NXPH1: variants seen among roughly 807,000 people sequenced by gnomAD.
NXPH1 encodes the protein neurexophilin 1.
In NXPH1, 5 loss-of-function variants were observed where a neutral mutation model predicts 23.7. The ratio of observed to expected loss-of-function variants is 0.21; its 90% confidence interval spans 0.11 to 0.44. The LOEUF (loss-of-function observed/expected upper bound fraction) is 0.44. Ranked by LOEUF, NXPH1 falls within the 20% of genes least tolerant of loss-of-function variation. The pLI, the probability that NXPH1 is intolerant of heterozygous loss-of-function variation, is 0.99. For synonymous variants in NXPH1, 144 were observed against 122.2 expected (o/e 1.18, Z -1.18); for missense variants, 324 against 321.6 (o/e 1.01, Z -0.06).
intron 2 of NXPH1, among the ~76,000 whole-genome samples, chr7:8,544,902 T>A (rs370065839): frequency 2.0e-5 from 3 of 151,768 alleles, no homozygotes; most frequent in African/African-American, 7.2e-5. Flanking sequence ...TCTTCTTTTA[T>A]TTACTCTTTT....
intron 2 of NXPH1, among the ~76,000 whole-genome samples, chr7:8,470,165 C>T (rs1412208908): frequency 6.6e-6 from 1 of 152,092 alleles, no homozygotes; most frequent in Non-Finnish European, 1.5e-5. Context: ...GGCCATGGCC[C>T]AACATGTCAG....
chr7:8,450,533 A>G (rs932978436), intron 2 of NXPH1, among the ~76,000 whole-genome samples: 11 of 152,216 alleles, frequency 7.2e-5, no homozygotes, highest in Admixed American at 3.3e-4. Context: ...CTAGGAATTT[A>G]TCTATTTCTG....
intron 2 of NXPH1, among the ~76,000 whole-genome samples, chr7:8,447,504 C>A (rs887143800): frequency 3.3e-5 from 5 of 152,198 alleles, no homozygotes; most frequent in African/African-American, 1.2e-4. Context: ...CTGGTGTTAG[C>A]TTTTCAACCT....
At chr7:8,650,878 A>G (rs1820479918) in intron 2 of NXPH1, among the ~76,000 whole-genome samples, 1 of 152,234 alleles carries the variant, frequency 6.6e-6, no homozygotes, top group South Asian at 2.1e-4. Context: ...AAAGTAAATG[A>G]ACAAAACTAA....
intron 2 of NXPH1, among the ~76,000 whole-genome samples, chr7:8,560,429 A>T (rs931424487): frequency 1.8e-4 from 27 of 151,776 alleles, no homozygotes; most frequent in African/African-American, 5.6e-4. Flanking sequence ...ACAGACTGCA[A>T]GGGAGTATAC....
chr7:8,625,397 C>G (rs532087414), intron 2 of NXPH1, among the ~76,000 whole-genome samples: 1 of 152,238 alleles, frequency 6.6e-6, no homozygotes, highest in East Asian at 1.9e-4. Context: ...CCATTATAAA[C>G]TTTTCTACAT....
At chr7:8,642,574 G>A (rs1371221967) in intron 2 of NXPH1, among the ~76,000 whole-genome samples, 1 of 152,002 alleles carries the variant, frequency 6.6e-6, no homozygotes, top group Non-Finnish European at 1.5e-5. Flanking sequence ...TCTTTTTAAT[G>A]TTGCCTTTTT....
At chr7:8,472,977 T>G (rs1816892987) in intron 2 of NXPH1, among the ~76,000 whole-genome samples, 1 of 152,134 alleles carries the variant, frequency 6.6e-6, no homozygotes. Context: ...CACTGAAACA[T>G]CTCCTTGTGG....
chr7:8,609,451 A>G (rs879328381), intron 2 of NXPH1, among the ~76,000 whole-genome samples: 12 of 152,182 alleles, frequency 7.9e-5, no homozygotes, highest in Non-Finnish European at 1.3e-4. Context: ...TGCCTCAAAT[A>G]TCAAGAAGCT....
At position 8,449,898 on chromosome 7, in the gene NXPH1, G is replaced by T. The variant is rs116400553; in HGVS notation, c.54+14131G>T. The stretch of plus-strand genomic sequence containing the variant: ...TCTTTAGGGACTTCCCATCAAATGG[G>T]GATACAAAGTTAAGAAATGCAAGCT... On this transcript the variant is annotated intron_variant, in intron 2 of 2. Transcript: ENST00000405863. 5.0e-3 allele frequency among the ~76,000 whole-genome samples: 758 copies of T among 152,244 alleles called. 7 individuals are homozygous for T. The highest frequency in any genetic ancestry group is 0.018 in the African/African-American group (733 of 41,550).
intron 2 of NXPH1, among the ~76,000 whole-genome samples, chr7:8,532,125 G>A (rs573738349): frequency 5.9e-5 from 9 of 152,004 alleles, no homozygotes; most frequent in African/African-American, 1.4e-4. Context: ...TTTACAACCC[G>A]CTTTAGCTTA....
chr7:8,538,509 T>A (rs137907095), intron 2 of NXPH1, among the ~76,000 whole-genome samples: 1 of 152,016 alleles, frequency 6.6e-6, no homozygotes, highest in East Asian at 1.9e-4. Flanking sequence ...AAAATGAGGA[T>A]AAAGATAATG....
chr7:8,513,927 TTCTC>T (rs925743437), intron 2 of NXPH1, among the ~76,000 whole-genome samples: 3 of 152,094 alleles, frequency 2.0e-5, no homozygotes, highest in Admixed American at 1.3e-4. Context: ...GGTTGGTTCT[TTCTC>T]AGGGCTATGA....
chr7:8,470,259 G>A (rs540013198), intron 2 of NXPH1, among the ~76,000 whole-genome samples: 1 of 152,268 alleles, frequency 6.6e-6, no homozygotes, highest in East Asian at 1.9e-4. Flanking sequence ...TGACTATTAA[G>A]TTGGCTGAAA....
intron 2 of NXPH1, among the ~76,000 whole-genome samples, chr7:8,453,529 C>T (rs777589388): frequency 1.3e-5 from 2 of 152,012 alleles, no homozygotes; most frequent in Non-Finnish European, 2.9e-5. Flanking sequence ...TGTAAAGAAC[C>T]ATTTTCTTTA....
chr7:8,530,205 A>G (rs562957879), intron 2 of NXPH1, among the ~76,000 whole-genome samples: 7 of 152,186 alleles, frequency 4.6e-5, no homozygotes, highest in Non-Finnish European at 7.3e-5. Context: ...GCTAAGGGGT[A>G]TGAGTTGTGA....
chr7:8,648,357 G>A (rs779529494), intron 2 of NXPH1, among the ~76,000 whole-genome samples: 17 of 151,820 alleles, frequency 1.1e-4, no homozygotes, highest in East Asian at 5.8e-4. Context: ...TACTCTCTAC[G>A]TTCATTAGTT....
intron 2 of NXPH1, among the ~76,000 whole-genome samples, chr7:8,688,913 C>T (rs1314473107): frequency 6.6e-6 from 1 of 152,140 alleles, no homozygotes; most frequent in African/African-American, 2.4e-5. Context: ...TGTATTGTTA[C>T]ATTTTGAAAC....
chr7:8,653,843 T>C (rs186416182), intron 2 of NXPH1, among the ~76,000 whole-genome samples: 1 of 152,222 alleles, frequency 6.6e-6, no homozygotes, highest in Non-Finnish European at 1.5e-5. Context: ...TTTCTTGTTT[T>C]CATTTCTTAC....
Sources: gnomAD v4.1 joint callset for allele counts (sites outside exome capture counted in the v4.1 genomes callset) on GRCh38, gnomAD v4.1.1 for gene constraint, MANE v1.5 for transcripts, NCBI Gene and HGNC (gene_info 2026-07-23, HGNC 2026-07-21) for gene names.